CYB5R3: variants seen among roughly 807,000 people sequenced by gnomAD.
CYB5R3 encodes cytochrome b5 reductase 3, also known as NADH-cytochrome b5 reductase 3.
In CYB5R3, 28 loss-of-function variants were observed where a neutral mutation model predicts 36.5. The ratio of observed to expected loss-of-function variants is 0.77; its 90% CI spans 0.57 to 1.05. CYB5R3 has a LOEUF of 1.05. CYB5R3 is among the 50% of genes least tolerant of loss of function. The pLI is 0.00. For missense variants in CYB5R3, 474 were observed against 408.9 expected (o/e 1.16, Z -1.37); for synonymous variants, 181 against 159.8 (o/e 1.13, Z -1.00).
Position 42,627,650 on chromosome 22 carries a change from T to A in CYB5R3, c.502A>T (p.Ile168Phe). 1 of 1,614,058 alleles carries A rather than the reference T, an allele frequency of 6.2e-7. No homozygotes were observed. Among genetic ancestry groups the A allele is most frequent in the Non-Finnish European group, 8.5e-7 (1 of 1,179,948 alleles). ...CCCACAGACTTCACTGTCCTGATGA[T>A]AGGGTTGGACTTTTTGTCAGGTCGG... is the stretch of plus-strand genomic sequence containing the variant. ...AIRPDKKSNP[I>F]IRTVKSVGMI... Residue 168 changes from isoleucine to phenylalanine, a missense_variant, in exon 6 of 9, where the codon ATC becomes TTC. By Grantham distance (21) the Ile-to-Phe change is conservative. Transcript: ENST00000352397.
chr22:42,642,114 CTCT>C (rs1422194721), intron 1 of CYB5R3, among the ~76,000 whole-genome samples: 2 of 98,296 alleles, frequency 2.0e-5, no homozygotes, highest in African/African-American at 3.4e-5. Flanking sequence ...TACATAAGAG[CTCT>C]TTTTTTTTTT....
chr22:42,641,775 AGC>A (rs937135731), intron 1 of CYB5R3, among the ~76,000 whole-genome samples: 3 of 151,954 alleles, frequency 2.0e-5, no homozygotes, highest in Non-Finnish European at 4.4e-5. Context: ...CATGAGCCAC[AGC>A]GCCTGGCCAA....
intron 1 of CYB5R3, among the ~76,000 whole-genome samples, chr22:42,642,188 T>C (rs1929312310): frequency 6.6e-6 from 1 of 151,846 alleles, no homozygotes; most frequent in Non-Finnish European, 1.5e-5. Flanking sequence ...CTCAGCTCAC[T>C]ATAGCCTTGA....
chr22:42,619,682 G>A lies in CYB5R3; in HGVS notation c.*91C>T. Reference sequence around the variant, plus strand: ...ACGGGCAGGCCAGGCTGAACCCGGGGCCCCAGTGTGCGATGTGGGGAGGTG... The same window carrying A: ...ACGGGCAGGCCAGGCTGAACCCGGGACCCCAGTGTGCGATGTGGGGAGGTG... On this transcript the variant is annotated 3_prime_UTR_variant, in exon 9 of 9. Coordinates refer to ENST00000352397, the MANE Select transcript of CYB5R3 (RefSeq NM_000398.7). The A allele has an allele frequency of 7.4e-7, 1 of 1,350,454 alleles. No individual in the cohort carries two copies. Among genetic ancestry groups the A allele is most frequent in the Non-Finnish European group, 1.0e-6 (1 of 996,178 alleles). 83.7% of individuals were successfully genotyped at this position (1,350,454 alleles called of 1,614,324 possible).
intron 4 of CYB5R3, among the ~76,000 whole-genome samples, chr22:42,630,127 G>A (rs1928529813): frequency 6.6e-6 from 1 of 152,090 alleles, no homozygotes; most frequent in African/African-American, 2.4e-5. Context: ...TCATAAAAAC[G>A]TCCCTGCTGG....
intron 1 of CYB5R3, among the ~76,000 whole-genome samples, chr22:42,638,623 C>T (rs918283579): frequency 9.4e-5 from 14 of 148,712 alleles, no homozygotes; most frequent in African/African-American, 1.5e-4. Flanking sequence ...TGCCTGTAAT[C>T]CCAGCTACTC....
intron 3 of CYB5R3, 158 bp from the exon 4 acceptor site, chr22:42,631,146 C>A: frequency 1.3e-6 from 1 of 792,834 alleles, no homozygotes; most frequent in South Asian, 1.6e-5. Flanking sequence ...ATTCCCCTCA[C>A]GTCCCAGCTT....
At chr22:42,640,326 C>G in intron 1 of CYB5R3, 1 of 1,417,366 alleles carries the variant, frequency 7.1e-7, no homozygotes. Context: ...AAGGTCACCC[C>G]CCGGAAGGAC....
At chr22:42,645,996 C>T (rs1001689861) in intron 1 of CYB5R3, among the ~76,000 whole-genome samples, 1 of 152,148 alleles carries the variant, frequency 6.6e-6, no homozygotes, top group Admixed American at 6.6e-5. Context: ...AGTGGAGGGG[C>T]GAAGGTTTCA....
intron 1 of CYB5R3, chr22:42,646,668 C>A: frequency 2.0e-6 from 2 of 985,664 alleles, no homozygotes; most frequent in Non-Finnish European, 2.4e-6. Context: ...GCCAGCGGTC[C>A]TGCCAGAATC....
rs563525179 is a variant in CYB5R3, at chr22:42,641,791, T to G, written c.22-4945A>C. Among the ~76,000 whole-genome samples, 54 of 152,248 alleles carry G rather than the reference T, an allele frequency of 3.5e-4. 1 individual carries two copies. The highest frequency in any genetic ancestry group is 6.8e-3 in the Middle Eastern group (2 of 292). On this transcript the variant is annotated intron_variant, in intron 1 of 8. Transcript: ENST00000352397. ...ATGAGCCACAGCGCCTGGCCAATTTTTGTATTTTTAGTAGAGCCGGGGTTT... is the reference window on the plus strand; with the variant it reads ...ATGAGCCACAGCGCCTGGCCAATTTGTGTATTTTTAGTAGAGCCGGGGTTT...
chr22:42,645,067 TG>T (rs1390395815), intron 1 of CYB5R3, among the ~76,000 whole-genome samples: 1 of 152,060 alleles, frequency 6.6e-6, no homozygotes, highest in African/African-American at 2.4e-5. Context: ...CCTAAACCCA[TG>T]GAAGTGAGCC....
Position 42,634,122 on chromosome 22 carries a change from C to A in CYB5R3, c.153+2593G>T, listed in dbSNP as rs148284803. ...ATTCGAGCACTTTGAGAGGCCAAGTCGGGTGGATCACCTGAGGTCAGGAGT... is the reference window on the plus strand; with the variant it reads ...ATTCGAGCACTTTGAGAGGCCAAGTAGGGTGGATCACCTGAGGTCAGGAGT... On this transcript the variant is annotated intron_variant, in intron 2 of 8. Coordinates refer to ENST00000352397, the MANE Select transcript of CYB5R3 (RefSeq NM_000398.7). 5.4e-3 allele frequency among the ~76,000 whole-genome samples: 826 copies of A among 151,598 alleles called. 3 individuals carry two copies. The highest frequency in any genetic ancestry group is 0.018 in the African/African-American group (739 of 41,356).
At chr22:42,645,524 C>T (rs1929497086) in intron 1 of CYB5R3, among the ~76,000 whole-genome samples, 1 of 152,138 alleles carries the variant, frequency 6.6e-6, no homozygotes, top group Admixed American at 6.5e-5. Flanking sequence ...GCTCCCGTGG[C>T]TGAGCTGGGA....
intron 2 of CYB5R3, 143 bp downstream of exon 2, chr22:42,636,572 C>T (rs1445496729): frequency 1.5e-6 from 2 of 1,357,080 alleles, no homozygotes; most frequent in African/African-American, 1.4e-5. Context: ...GTGGCCTTAG[C>T]AAGAGACATC....
Position 42,630,960 on chromosome 22 carries a change from A to T in CYB5R3, c.255T>A (p.Ile85=). The T allele has an allele frequency of 1.2e-6, 2 of 1,613,978 alleles. No individual in the cohort carries two copies. The highest frequency in any genetic ancestry group is 1.7e-6 in the Non-Finnish European group (2 of 1,179,958). Residue 85 remains isoleucine, a synonymous_variant, in exon 4 of 9, where the codon ATT becomes ATA. Transcript: ENST00000352397. ...AGGGCCGGACGACCAGGTTTCCATC[A>T]ATTCGAGCCGAGAGGTAGATGTGCT... ...VGQHIYLSAR[I]DGNLVVRPYT... is the part of the protein sequence containing the mutation.
At chr22:42,621,441 C>A (rs1927966333) in intron 8 of CYB5R3, among the ~76,000 whole-genome samples, 1 of 152,206 alleles carries the variant, frequency 6.6e-6, no homozygotes, top group Non-Finnish European at 1.5e-5. Flanking sequence ...TACTCACTGC[C>A]CCTGCCTGGA....
intron 1 of CYB5R3, among the ~76,000 whole-genome samples, chr22:42,643,381 G>T (rs1337808845): frequency 1.3e-5 from 2 of 152,178 alleles, no homozygotes; most frequent in African/African-American, 4.8e-5. Flanking sequence ...CAACTGAGAG[G>T]AGTGGAATAG....
intron 8 of CYB5R3, 37 bp downstream of exon 8, chr22:42,623,752 C>A (rs1468574324): frequency 1.3e-6 from 2 of 1,554,428 alleles, no homozygotes; most frequent in Non-Finnish European, 1.8e-6. Flanking sequence ...TGGGCTGGCA[C>A]CTCCCACCCA....
Sources: gnomAD v4.1 joint callset for allele counts (sites outside exome capture counted in the v4.1 genomes callset) on GRCh38, gnomAD v4.1.1 for gene constraint, MANE v1.5 for transcripts, NCBI Gene and HGNC (gene_info 2026-07-23, HGNC 2026-07-21) for gene names.